Variants in CAMK4 observed in about 807,000 individuals in gnomAD.
CAMK4 encodes the protein calcium/calmodulin-dependent protein kinase type IV.
A neutral mutation model predicts 44.9 loss-of-function variants in CAMK4; 22 were observed. The ratio of observed to expected loss-of-function variants is 0.49; its 90% confidence interval spans 0.35 to 0.70. CAMK4 has a LOEUF of 0.70. Ranked by LOEUF, CAMK4 falls within the 30% of genes least tolerant of loss-of-function variation. The pLI is 0.01. For synonymous variants in CAMK4, 218 were observed against 215.4 expected, an observed-to-expected ratio of 1.01 and a Z score of -0.11; for missense variants, 498 against 586.8, an observed-to-expected ratio of 0.85 and a Z score of 1.56.
chr5:111,435,917 C>T (rs1469713341), intron 5 of CAMK4, among the ~76,000 whole-genome samples: 1 of 152,162 alleles, frequency 6.6e-6, no homozygotes, highest in Non-Finnish European at 1.5e-5. Context: ...TTGTTCTAAC[C>T]TTATATACAA....
rs917038773 is a variant in CAMK4, at chr5:111,362,625, T to C, written c.241-12225T>C. 1.1e-4 allele frequency among the ~76,000 whole-genome samples: 16 copies of C among 152,164 alleles called. 1 individual carries two copies. In the East Asian group the frequency reaches 1.4e-3, roughly 13 times the overall value. On this transcript the variant is annotated intron_variant, in intron 2 of 10. Coordinates refer to ENST00000282356, the MANE Select transcript of CAMK4 (RefSeq NM_001744.6). ...ACTATGATACTTCTAGAAAAATATA[T>C]AATATGTGTTGATTTCCTTCTATCC...
At chr5:111,254,456 C>G (rs1749650957) in intron 1 of CAMK4, among the ~76,000 whole-genome samples, 1 of 152,194 alleles carries the variant, frequency 6.6e-6, no homozygotes, top group African/African-American at 2.4e-5. Flanking sequence ...ACACAGGGAA[C>G]AGACCTGCTA....
At chr5:111,461,252 G>A (rs1029377341) in intron 7 of CAMK4, among the ~76,000 whole-genome samples, 12 of 152,126 alleles carry the variant, frequency 7.9e-5, no homozygotes, top group African/African-American at 2.2e-4. Context: ...TCAGAGCATG[G>A]CACGCATAGA....
intron 8 of CAMK4, among the ~76,000 whole-genome samples, chr5:111,476,271 T>TTGTGTGTGTG (rs59191685): frequency 6.3e-5 from 8 of 127,392 alleles, no homozygotes; most frequent in Admixed American, 3.2e-4. Context: ...GTGTGTGTGT[T>TTGTGTGTGTG]TGTGTGTGTG....
At chr5:111,472,164 G>A (rs1383645613) in intron 7 of CAMK4, among the ~76,000 whole-genome samples, 1 of 152,096 alleles carries the variant, frequency 6.6e-6, no homozygotes, top group Non-Finnish European at 1.5e-5. Flanking sequence ...CAAAGTGCTA[G>A]GATTACAGGT....
At chr5:111,420,291 T>C (rs886372315) in intron 5 of CAMK4, among the ~76,000 whole-genome samples, 1 of 152,204 alleles carries the variant, frequency 6.6e-6, no homozygotes, top group Admixed American at 6.5e-5. Context: ...ATTGATTTTG[T>C]ATCCTGAGAC....
At chr5:111,330,837 A>T (rs1234829275) in intron 1 of CAMK4, among the ~76,000 whole-genome samples, 1 of 151,698 alleles carries the variant, frequency 6.6e-6, no homozygotes, top group Non-Finnish European at 1.5e-5. Context: ...TAGTTAGTTG[A>T]TTTTTGGCAA....
At chr5:111,286,844 A>G (rs960038626) in intron 1 of CAMK4, among the ~76,000 whole-genome samples, 1 of 152,174 alleles carries the variant, frequency 6.6e-6, no homozygotes, top group Non-Finnish European at 1.5e-5. Context: ...ATGCTACTGA[A>G]ACTAACTTTT....
intron 7 of CAMK4, among the ~76,000 whole-genome samples, chr5:111,450,484 A>G (rs1580769900): frequency 6.6e-6 from 1 of 150,676 alleles, no homozygotes; most frequent in Non-Finnish European, 1.5e-5. Flanking sequence ...GGGGCTCACA[A>G]TCTACAAGAA....
At chr5:111,283,644 A>C (rs1281714602) in intron 1 of CAMK4, among the ~76,000 whole-genome samples, 1 of 152,200 alleles carries the variant, frequency 6.6e-6, no homozygotes, top group Non-Finnish European at 1.5e-5. Flanking sequence ...ATAACTCTTA[A>C]ATGGTTTGTT....
chr5:111,270,833 A>G (rs893898485), intron 1 of CAMK4, among the ~76,000 whole-genome samples: 1 of 152,192 alleles, frequency 6.6e-6, no homozygotes, highest in Admixed American at 6.5e-5. Flanking sequence ...AGTGTATTAG[A>G]CCATTCTCAC....
chr5:111,273,687 A>G (rs1313531380), intron 1 of CAMK4, among the ~76,000 whole-genome samples: 1 of 47,220 alleles, frequency 2.1e-5, no homozygotes, highest in Admixed American at 2.3e-4. Context: ...TTATATATAT[A>G]TATATATATA....
At chr5:111,423,237 C>T (rs764505551) in intron 5 of CAMK4, among the ~76,000 whole-genome samples, 6 of 152,140 alleles carry the variant, frequency 3.9e-5, no homozygotes, top group Admixed American at 2.0e-4. Context: ...TGCAGGAGAG[C>T]ACTTTCCATG....
At chr5:111,404,848 A>G (rs1255104403) in intron 5 of CAMK4, among the ~76,000 whole-genome samples, 3 of 152,200 alleles carry the variant, frequency 2.0e-5, no homozygotes, top group African/African-American at 4.8e-5. Flanking sequence ...AGCTTACACC[A>G]TATATAAAAT....
intron 5 of CAMK4, among the ~76,000 whole-genome samples, chr5:111,434,233 C>T (rs1753565441): frequency 6.7e-6 from 1 of 148,396 alleles, no homozygotes; most frequent in Non-Finnish European, 1.5e-5. Context: ...GCGGAGGTTG[C>T]AGTGAGCCAA....
At position 111,493,748 on chromosome 5, in the gene CAMK4, C is replaced by CCAT. The variant is rs1352790973; in HGVS notation, c.*9284_*9286dup. Reference sequence around the variant, plus strand: ...TTTATTGCAGGCAGTATTTTTACATCCATCTTCAAGAAACTTGGGAGACAT... The same window carrying CCAT: ...TTTATTGCAGGCAGTATTTTTACATCCATCATCTTCAAGAAACTTGGGAGACAT... On this transcript the variant is annotated 3_prime_UTR_variant, in exon 11 of 11. Transcript: ENST00000282356. The surrounding 1 kb of genome is among the most constrained non-coding windows in gnomAD (Gnocchi z 4.1). 6.6e-6 allele frequency: 1 copy of CCAT among 152,150 alleles called. No individual in the cohort carries two copies. The highest frequency in any genetic ancestry group is 1.5e-5 in the Non-Finnish European group (1 of 68,020). The allele number at this position is 152,150 out of a possible 1,614,324, so 9.4% of individuals were successfully genotyped here. A position where few individuals can be genotyped will look rare whatever the true frequency, so the allele number is the denominator to read the frequency against.
At chr5:111,335,323 T>A (rs2112732024) in intron 1 of CAMK4, among the ~76,000 whole-genome samples, 1 of 151,540 alleles carries the variant, frequency 6.6e-6, no homozygotes, top group Non-Finnish European at 1.5e-5. Flanking sequence ...CCCAAAAATA[T>A]TAATATGAAC....
intron 2 of CAMK4, among the ~76,000 whole-genome samples, chr5:111,353,216 C>CA (rs763669925): frequency 1.6e-4 from 24 of 151,848 alleles, no homozygotes; most frequent in Non-Finnish European, 2.8e-4. Flanking sequence ...GTGTTGCATG[C>CA]AAAAATAAAT....
chr5:111,310,605 C>T (rs1033466490), intron 1 of CAMK4, among the ~76,000 whole-genome samples: 3 of 152,152 alleles, frequency 2.0e-5, no homozygotes, highest in African/African-American at 7.2e-5. Context: ...CTAAGCCTGG[C>T]ACTTAGTACA....
Sources: allele counts gnomAD v4.1 joint callset (sites outside exome capture counted in the v4.1 genomes callset), GRCh38; gene constraint gnomAD v4.1.1; non-coding constraint Gnocchi (gnomAD v3.1); transcripts MANE v1.5; gene names NCBI Gene and HGNC (gene_info 2026-07-23, HGNC 2026-07-21).